Variants in CFAP92 observed in about 807,000 individuals in gnomAD.
CFAP92 encodes cilia and flagella associated protein 92 (putative), also known as uncharacterized protein CFAP92.
Under a neutral mutation model 106.3 loss-of-function variants are expected in CFAP92, and 86 were observed. The ratio of observed to expected loss-of-function variants is 0.81; its 90% CI spans 0.68 to 0.97. CFAP92 has a LOEUF of 0.97. Among genes scored for constraint, CFAP92 ranks in the 50% least tolerant of loss-of-function variants. CFAP92 has a pLI of 0.00. For missense variants in CFAP92, 1,204 were observed against 1,283.8 expected (o/e 0.94, Z 0.95); for synonymous variants, 477 against 506.4 (o/e 0.94, Z 0.78).
upstream of CFAP92, among the ~76,000 whole-genome samples, chr3:129,004,527 C>T (rs1474289454): frequency 6.7e-6 from 1 of 149,226 alleles, no homozygotes; most frequent in African/African-American, 2.5e-5. Context: ...ATCATCCATC[C>T]ATCCCCCCAC....
chr3:128,983,485 C>T (rs1943653563), intron 4 of CFAP92, among the ~76,000 whole-genome samples: 1 of 152,160 alleles, frequency 6.6e-6, no homozygotes, highest in Non-Finnish European at 1.5e-5. Context: ...GCCTTGTCCC[C>T]AGCCAGAGTG....
intron 15 of CFAP92, among the ~76,000 whole-genome samples, chr3:128,912,144 G>A (rs930224359): frequency 1.3e-5 from 2 of 152,184 alleles, no homozygotes; most frequent in Non-Finnish European, 2.9e-5. Context: ...CCTAGCCCTG[G>A]GGGTAGCCCA....
Position 128,988,765 on chromosome 3 carries a change from G to A in CFAP92, c.416C>T (p.Pro139Leu). 6.2e-7 allele frequency: 1 copy of A among 1,613,924 alleles called. No individual in the cohort carries two copies. The highest frequency in any genetic ancestry group is 1.3e-5 in the African/African-American group (1 of 75,022). ...CTCCAGGAATACTTTGGCCACCATT[G>A]GAAATAGCAATATGTCAACTTTTTT... The part of the protein sequence containing the change: ...EPKKVDILLF[P>L]MVAKVFLESG... Residue 139 changes from proline to leucine, a missense_variant, in exon 3 of 16, where the codon CCA (proline) becomes CTA (leucine). Pro to Leu is a moderately conservative substitution (Grantham distance 98). Coordinates refer to ENST00000645291, the MANE Select transcript of CFAP92 (RefSeq NM_001394090.1).
At chr3:129,014,476 G>A in the CFAP92 span, among the ~76,000 whole-genome samples, 1 of 152,250 alleles carries the variant, frequency 6.6e-6, no homozygotes, top group Non-Finnish European at 1.5e-5. The surrounding 1 kb of genome is among the most constrained non-coding windows in gnomAD (Gnocchi z 4.3). Context: ...CCTTCTGTGT[G>A]TATTTCTGTC....
rs759785435 is a variant in CFAP92 at position 128,910,409 on chromosome 3, C to T, written c.3281-76G>A. 57 of 1,381,486 alleles carry T rather than the reference C, an allele frequency of 4.1e-5. No homozygotes were observed. In the East Asian group the frequency reaches 1.3e-3, roughly 30 times the overall value. 85.6% of individuals were successfully genotyped at this position (1,381,486 alleles called of 1,614,324 possible). ...CCCCCAGCAAGGGACAGACCCTGCACATTGCCCGCTGTGCTGGAGGGAGGC... is the reference window on the plus strand; with the variant it reads ...CCCCCAGCAAGGGACAGACCCTGCATATTGCCCGCTGTGCTGGAGGGAGGC... On this transcript the variant is annotated intron_variant, in intron 15 of 15. Transcript: ENST00000645291.
intron 12 of CFAP92, among the ~76,000 whole-genome samples, chr3:128,929,148 G>T (rs1386533658): frequency 6.6e-6 from 1 of 152,104 alleles, no homozygotes; most frequent in East Asian, 1.9e-4. Flanking sequence ...CATCAAAGAA[G>T]CGTTATAAAT....
intron 9 of CFAP92, among the ~76,000 whole-genome samples, chr3:128,961,020 C>T (rs1215837138): frequency 6.6e-6 from 1 of 151,724 alleles, no homozygotes; most frequent in Non-Finnish European, 1.5e-5. Context: ...CCTCCTTCTC[C>T]CTTAGCCTGT....
At chr3:128,928,686 G>A (rs1458458200) in intron 12 of CFAP92, among the ~76,000 whole-genome samples, 2 of 152,178 alleles carry the variant, frequency 1.3e-5, no homozygotes, top group South Asian at 2.1e-4. Context: ...AGAGCTAAGA[G>A]TAAGTGTAAG....
intron 12 of CFAP92, among the ~76,000 whole-genome samples, chr3:128,925,584 T>C (rs1937591673): frequency 6.6e-6 from 1 of 152,068 alleles, no homozygotes; most frequent in Non-Finnish European, 1.5e-5. Flanking sequence ...GGTGAAAATA[T>C]CTAACATTGG....
intron 7 of CFAP92, among the ~76,000 whole-genome samples, chr3:128,975,412 G>A (rs1943078713): frequency 6.6e-6 from 1 of 150,686 alleles, no homozygotes; most frequent in African/African-American, 2.5e-5. Context: ...TGGATGGATG[G>A]AGATGGATGG....
chr3:129,003,707 G>C (rs979675276), upstream of CFAP92: 1 of 1,211,390 alleles, frequency 8.3e-7, no homozygotes, highest in Admixed American at 4.4e-5. Flanking sequence ...TGGGTGCAGA[G>C]GCATGGGGCC....
chr3:129,002,393 G>C, intron 1 of CFAP92: 1 of 1,469,720 alleles, frequency 6.8e-7, no homozygotes, highest in Non-Finnish European at 9.0e-7. Flanking sequence ...CTGGCTGGCT[G>C]CGGAGCCCGA....
At chr3:129,002,493 C>A in intron 1 of CFAP92, 1 of 1,287,464 alleles carries the variant, frequency 7.8e-7, no homozygotes, top group Non-Finnish European at 1.0e-6. Flanking sequence ...CCTGTTCCTC[C>A]CCATTCCACT....
At chr3:128,925,973 C>T (rs1680785) in intron 12 of CFAP92, among the ~76,000 whole-genome samples, 65,759 of 151,976 alleles carry the variant, frequency 0.43, 16,719 homozygotes, top group African/African-American at 0.7. Context: ...GAAAAATTAA[C>T]TGATACTCAC....
chr3:128,917,093 G>A (rs950411339), intron 12 of CFAP92, among the ~76,000 whole-genome samples: 4 of 152,206 alleles, frequency 2.6e-5, no homozygotes, highest in Non-Finnish European at 5.9e-5. Flanking sequence ...AGAACAGACT[G>A]TCCAGGCAAC....
intron 13 of CFAP92, 80 bp from the exon 14 acceptor site, chr3:128,915,643 G>A: frequency 1.1e-6 from 1 of 911,048 alleles, no homozygotes; most frequent in South Asian, 1.8e-5. Context: ...ATCAGAAACA[G>A]CTGGGGGCAT....
intron 9 of CFAP92, among the ~76,000 whole-genome samples, chr3:128,958,937 G>A (rs977707831): frequency 2.6e-5 from 4 of 151,738 alleles, no homozygotes; most frequent in Admixed American, 6.6e-5. Flanking sequence ...AAGGTTGGAC[G>A]CAGTGGCTGA....
intron 9 of CFAP92, among the ~76,000 whole-genome samples, chr3:128,953,079 A>G (rs944881715): frequency 6.6e-6 from 1 of 152,072 alleles, no homozygotes; most frequent in Non-Finnish European, 1.5e-5. Flanking sequence ...CAACTCAAAA[A>G]GCAAAACAAA....
At position 128,928,208 on chromosome 3, in the gene CFAP92, G is replaced by A. The variant is rs77858961; in HGVS notation, c.2751+4492C>T. Among the ~76,000 whole-genome samples the A allele has an allele frequency of 3.6e-4, 55 of 152,224 alleles. No individual in the cohort carries two copies. In the East Asian group the frequency reaches 7.0e-3, roughly 19 times the overall value. On this transcript the variant is annotated intron_variant, in intron 12 of 15. Transcript: ENST00000645291. Reference sequence around the variant, plus strand: ...GCCAAGCTTGCAGTGAGCCGAGATCGTGCCACTGCACTCCAGCCTGGGTGA... The same window carrying A: ...GCCAAGCTTGCAGTGAGCCGAGATCATGCCACTGCACTCCAGCCTGGGTGA...
Sources: gnomAD v4.1 joint callset for allele counts (sites outside exome capture counted in the v4.1 genomes callset) on GRCh38, gnomAD v4.1.1 for gene constraint, Gnocchi (gnomAD v3.1) non-coding constraint, MANE v1.5 for transcripts, NCBI Gene and HGNC (gene_info 2026-07-23, HGNC 2026-07-21) for gene names.